The following NT5C2 variants were observed in gnomAD, a reference collection of about 807,000 sequenced individuals.
The protein encoded by NT5C2 is cytosolic purine 5'-nucleotidase.
In NT5C2, 58 loss-of-function variants were observed where a neutral mutation model predicts 76.1. The observed-to-expected ratio is 0.76, with a 90% CI of 0.62 to 0.95. The LOEUF (loss-of-function observed/expected upper bound fraction) is 0.95, where lower values mean the gene tolerates loss of function less well. Among genes scored for constraint, NT5C2 ranks in the 40% least tolerant of loss-of-function variants. The pLI, the probability that NT5C2 is intolerant of heterozygous loss-of-function variation, is 0.00. For missense variants in NT5C2, 478 were observed against 690.3 expected (o/e 0.69, Z 3.45); for synonymous variants, 229 against 237.4 (o/e 0.96, Z 0.32).
chr10:103,108,359 C>G (rs1389775913), intron 4 of NT5C2, among the ~76,000 whole-genome samples: 1 of 152,112 alleles, frequency 6.6e-6, no homozygotes. Flanking sequence ...AATAATGCAA[C>G]TATTATTATT....
chr10:103,119,546 T>G (rs1379723929), intron 4 of NT5C2, among the ~76,000 whole-genome samples: 1 of 152,234 alleles, frequency 6.6e-6, no homozygotes, highest in African/African-American at 2.4e-5. Context: ...TTTCATGACC[T>G]AGGACAATGA....
At chr10:103,192,999 G>T (rs1344081682) in intron 1 of NT5C2, among the ~76,000 whole-genome samples, 1 of 152,006 alleles carries the variant, frequency 6.6e-6, no homozygotes, top group African/African-American at 2.4e-5. Context: ...CGGAGGAAGG[G>T]GCTGCCGTGG....
intron 3 of NT5C2, among the ~76,000 whole-genome samples, chr10:103,141,449 C>A (rs929450247): frequency 1.3e-5 from 2 of 152,008 alleles, no homozygotes; most frequent in Non-Finnish European, 2.9e-5. Flanking sequence ...CAGAGTGAGA[C>A]CCTGTTCCCA....
intron 3 of NT5C2, chr10:103,169,233 T>C (rs1406302184): frequency 3.9e-5 from 6 of 152,206 alleles, no homozygotes; most frequent in Non-Finnish European, 8.8e-5. Context: ...CATAAATACA[T>C]ACAATTTTTG....
intron 3 of NT5C2, among the ~76,000 whole-genome samples, chr10:103,171,284 A>G (rs1017698987): frequency 1.3e-5 from 2 of 152,244 alleles, no homozygotes; most frequent in African/African-American, 4.8e-5. Flanking sequence ...ATTTTTCAAA[A>G]TATTAGTATC....
intron 6 of NT5C2, among the ~76,000 whole-genome samples, chr10:103,102,213 G>C (rs996856761): frequency 4.6e-5 from 7 of 152,022 alleles, no homozygotes; most frequent in African/African-American, 1.7e-4. Flanking sequence ...CTTGAATATA[G>C]GCTTGTATAG....
intron 2 of NT5C2, among the ~76,000 whole-genome samples, chr10:103,177,479 A>T (rs1315444105): frequency 6.6e-6 from 1 of 152,166 alleles, no homozygotes; most frequent in Non-Finnish European, 1.5e-5. Flanking sequence ...CCCATCTTGA[A>T]AATGCTAACA....
At chr10:103,096,845 C>CAAAAAAAAAAA in intron 11 of NT5C2, among the ~76,000 whole-genome samples, 1 of 31,388 alleles carries the variant, frequency 3.2e-5, no homozygotes, top group South Asian at 1.5e-3. Context: ...GACTCTGTCT[C>CAAAAAAAAAAA]AAAAAAAAAA....
At position 103,153,442 on chromosome 10, in the gene NT5C2, C is replaced by T. The variant is rs117729596; in HGVS notation, c.102-13963G>A. ...GGCCCAACAAATTTGGGCACAATGC[C>T]GAACCCTAACTAGGCAATATCTCAG... is the stretch of plus-strand genomic sequence containing the variant. On this transcript the variant is annotated intron_variant, in intron 3 of 18. Coordinates refer to ENST00000404739, the MANE Select transcript of NT5C2 (RefSeq NM_001351169.2). 2,243 of 1,137,500 alleles carry T rather than the reference C, an allele frequency of 2.0e-3. 4 individuals are homozygous for T. Among genetic ancestry groups the T allele is most frequent in the Non-Finnish European group, 2.3e-3 (2,149 of 918,362 alleles). 70.5% of individuals were successfully genotyped at this position (1,137,500 alleles called of 1,614,324 possible). A position where few individuals can be genotyped will look rare whatever the true frequency, so the allele number is the denominator to read the frequency against.
chr10:103,189,977 C>A (rs116979997), intron 1 of NT5C2, among the ~76,000 whole-genome samples: 1 of 149,266 alleles, frequency 6.7e-6, no homozygotes, highest in Non-Finnish European at 1.5e-5. Context: ...GCCGGTTTGC[C>A]GCATTAATTT....
rs1372726569 is a variant in NT5C2, at chr10:103,089,744, T to G, written c.1614A>C (p.Pro538=). ...AGTGTGTAATTTCCTGGGGGGCCAG[T>G]GGGAAGAGGTTGGGAGGTTTAATCT... The part of the protein sequence containing the change: ...ISEIKPPNLF[P]LAPQEITHCH... Residue 538 remains proline (P), a synonymous_variant, in exon 19 of 19, where the codon CCA becomes CCC. Coordinates refer to ENST00000404739, the MANE Select transcript of NT5C2 (RefSeq NM_001351169.2). The G allele has an allele frequency of 6.2e-7, 1 of 1,613,820 alleles. No homozygotes were observed. The highest frequency in any genetic ancestry group is 1.7e-5 in the Admixed American group (1 of 59,964).
intron 1 of NT5C2, among the ~76,000 whole-genome samples, chr10:103,189,072 C>G (rs1025769796): frequency 6.6e-6 from 1 of 151,608 alleles, no homozygotes. Flanking sequence ...AGACTGAAAT[C>G]TGATGCCTGA....
intron 4 of NT5C2, among the ~76,000 whole-genome samples, chr10:103,123,027 T>C (rs2075981669): frequency 2.0e-5 from 3 of 152,226 alleles, no homozygotes; most frequent in Admixed American, 1.3e-4. Context: ...CTGTCTTTTC[T>C]TATAGGGGCC....
intron 2 of NT5C2, among the ~76,000 whole-genome samples, chr10:103,180,495 G>A (rs2090861790): frequency 6.6e-6 from 1 of 152,206 alleles, no homozygotes; most frequent in South Asian, 2.1e-4. Context: ...ACTTTGGGAG[G>A]CCAAGATGGG....
At chr10:103,189,185 T>C (rs928921103) in intron 1 of NT5C2, among the ~76,000 whole-genome samples, 4 of 152,190 alleles carry the variant, frequency 2.6e-5, no homozygotes, top group Non-Finnish European at 5.9e-5. Flanking sequence ...CTCATTAGTT[T>C]AATGGAGTTT....
At chr10:103,116,575 TTTTTTTTTTTTC>T (rs995741380) in intron 4 of NT5C2, among the ~76,000 whole-genome samples, 2 of 141,166 alleles carry the variant, frequency 1.4e-5, no homozygotes, top group African/African-American at 5.4e-5. Flanking sequence ...GATTTTTTTC[TTTTTTTTTTTTC>T]TTTTTTTTTT....
chr10:103,128,096 C>T (rs2077050589), intron 4 of NT5C2, among the ~76,000 whole-genome samples: 1 of 149,098 alleles, frequency 6.7e-6, no homozygotes, highest in Non-Finnish European at 1.5e-5. Flanking sequence ...CCTCTGTCTC[C>T]CTCTCCCCAC....
At position 103,175,097 on chromosome 10, in the gene NT5C2, A is replaced by T. The variant is rs2089491135; in HGVS notation, c.-24-115T>A. On this transcript the variant is annotated intron_variant, in intron 2 of 18. Transcript: ENST00000404739. The stretch of plus-strand genomic sequence containing the variant: ...TGCAAACTGCCTAATATAATTACCT[A>T]TTAAAACACACTGAATACAGTAAAT... 3 of 597,170 alleles carry T rather than the reference A, an allele frequency of 5.0e-6. No homozygotes were observed. The East Asian group carries it at 8.3e-5, about 16-fold the overall frequency. The allele number at this position is 597,170 out of a possible 1,614,324, so 37.0% of individuals were successfully genotyped here.
chr10:103,104,993 A>G (rs1399151327), intron 6 of NT5C2, among the ~76,000 whole-genome samples: 1 of 152,234 alleles, frequency 6.6e-6, no homozygotes, highest in African/African-American at 2.4e-5. Context: ...AATGTATAAC[A>G]GTAAAGCTAT....
Sources: allele counts gnomAD v4.1 joint callset (sites outside exome capture counted in the v4.1 genomes callset), GRCh38; gene constraint gnomAD v4.1.1; transcripts MANE v1.5; gene names NCBI Gene and HGNC (gene_info 2026-07-23, HGNC 2026-07-21).